Variants in NYAP2 observed in about 807,000 individuals in gnomAD.
NYAP2 encodes the protein neuronal tyrosine-phosphorylated phosphoinositide-3-kinase adaptor 2, also known as neuronal tyrosine-phosphorylated phosphoinositide-3-kinase adapter 2.
A neutral mutation model predicts 50.4 loss-of-function variants in NYAP2; 23 were observed. The ratio of observed to expected loss-of-function variants is 0.46; its 90% CI spans 0.33 to 0.65. The LOEUF is 0.65. Ranked by LOEUF, NYAP2 falls within the 30% of genes least tolerant of loss-of-function variation. The pLI, the probability that NYAP2 is intolerant of heterozygous loss-of-function variation, is 0.02. For synonymous variants in NYAP2, 394 were observed against 365.2 expected (o/e 1.08, Z -0.90); for missense variants, 885 against 861.0 (o/e 1.03, Z -0.35).
downstream of NYAP2, among the ~76,000 whole-genome samples, chr2:225,656,793 T>A (rs1693835517): frequency 6.6e-6 from 1 of 152,156 alleles, no homozygotes; most frequent in African/African-American, 2.4e-5. Context: ...TCAGAGGTCT[T>A]CCTCCAATGC....
chr2:225,688,909 A>G, the NYAP2 span, among the ~76,000 whole-genome samples: 14 of 151,902 alleles, frequency 9.2e-5, no homozygotes, highest in Non-Finnish European at 1.8e-4. Flanking sequence ...TGCCTGGCTA[A>G]TTTTTGTATT....
chr2:225,692,111 C>T, the NYAP2 span, among the ~76,000 whole-genome samples: 27 of 152,146 alleles, frequency 1.8e-4, no homozygotes, highest in Non-Finnish European at 3.1e-4. Flanking sequence ...TGCTTGGCAT[C>T]GTGCTCTGTC....
chr2:225,397,958 G>T (rs1365016813), upstream of NYAP2, among the ~76,000 whole-genome samples: 1 of 151,582 alleles, frequency 6.6e-6, no homozygotes, highest in Non-Finnish European at 1.5e-5. Flanking sequence ...GAAAGAAAAA[G>T]ATATATTTTC....
chr2:225,552,777 GC>G (rs1489222866), intron 4 of NYAP2, among the ~76,000 whole-genome samples: 2 of 152,104 alleles, frequency 1.3e-5, no homozygotes, highest in African/African-American at 4.8e-5. Flanking sequence ...AGCAACCTCT[GC>G]CTTGCAGATT....
intron 3 of NYAP2, among the ~76,000 whole-genome samples, chr2:225,429,724 C>T (rs1001413474): frequency 5.3e-5 from 8 of 152,130 alleles, no homozygotes; most frequent in Admixed American, 2.6e-4. Flanking sequence ...TAAGCCCATG[C>T]GTAAGTGCTG....
At chr2:225,512,038 T>C (rs192493610) in intron 3 of NYAP2, among the ~76,000 whole-genome samples, 9 of 152,290 alleles carry the variant, frequency 5.9e-5, no homozygotes, top group Admixed American at 4.6e-4. Flanking sequence ...ATGAACTTCA[T>C]AGATAAAAAG....
At position 225,625,947 on chromosome 2, in the gene NYAP2, G is replaced by A. The variant is rs964642522; in HGVS notation, c.1619-970G>A. Among the ~76,000 whole-genome samples the A allele has an allele frequency of 3.9e-5, 6 of 152,192 alleles. No individual in the cohort carries two copies. In the South Asian group the frequency reaches 8.3e-4, roughly 21 times the overall value. On this transcript the variant is annotated intron_variant, in intron 5 of 6. Coordinates refer to ENST00000636099, the Ensembl canonical transcript of NYAP2. Reference sequence around the variant, plus strand: ...GGATTAGAGCTGAACCAGAGCCATTGAGGTAGACATGAAACAAAGTGGAAG... The same window carrying A: ...GGATTAGAGCTGAACCAGAGCCATTAAGGTAGACATGAAACAAAGTGGAAG...
intron 5 of NYAP2, among the ~76,000 whole-genome samples, chr2:225,586,430 A>T (rs1286194014): frequency 6.6e-6 from 1 of 152,180 alleles, no homozygotes; most frequent in African/African-American, 2.4e-5. Context: ...GACACCTGAT[A>T]GTCTGTAGCT....
At chr2:225,503,565 A>G (rs996760659) in intron 3 of NYAP2, among the ~76,000 whole-genome samples, 1 of 152,186 alleles carries the variant, frequency 6.6e-6, no homozygotes, top group African/African-American at 2.4e-5. Flanking sequence ...GAAGAAAAGG[A>G]ACTTTGATAG....
intron 4 of NYAP2, 107 bp from the exon 5 acceptor site, chr2:225,581,834 G>C (rs1195735420): frequency 9.5e-7 from 1 of 1,055,600 alleles, no homozygotes; most frequent in Non-Finnish European, 1.4e-6. Flanking sequence ...GAATGAAGCT[G>C]TCTACCCCTC....
chr2:225,560,617 T>G (rs139489432), intron 4 of NYAP2, among the ~76,000 whole-genome samples: 242 of 152,188 alleles, frequency 1.6e-3, no homozygotes, highest in African/African-American at 5.6e-3. Context: ...TGCATTTATA[T>G]CCAGATGATT....
the NYAP2 span, chr2:225,699,346 T>C: frequency 6.6e-6 from 1 of 151,922 alleles, no homozygotes; most frequent in Non-Finnish European, 1.5e-5. Context: ...CCTTGCATCA[T>C]TGATCTGATT....
chr2:225,544,051 A>G (rs1456381416), intron 4 of NYAP2, among the ~76,000 whole-genome samples: 1 of 151,938 alleles, frequency 6.6e-6, no homozygotes, highest in Non-Finnish European at 1.5e-5. Flanking sequence ...CTTGAAATCT[A>G]TATTTTCTGA....
chr2:225,415,054 A>C (rs1464109893), intron 3 of NYAP2, among the ~76,000 whole-genome samples: 1 of 152,130 alleles, frequency 6.6e-6, no homozygotes, highest in East Asian at 1.9e-4. Flanking sequence ...TCTCGACTTT[A>C]GCAAAGTGGT....
At chr2:225,445,728 C>CT (rs1170562642) in intron 3 of NYAP2, among the ~76,000 whole-genome samples, 1 of 151,896 alleles carries the variant, frequency 6.6e-6, no homozygotes, top group Non-Finnish European at 1.5e-5. Flanking sequence ...CAATTTGGTG[C>CT]TGGGCTAAAT....
the NYAP2 span, among the ~76,000 whole-genome samples, chr2:225,693,812 G>C: frequency 6.6e-6 from 1 of 151,952 alleles, no homozygotes; most frequent in East Asian, 1.9e-4. Flanking sequence ...GGGCACAAAC[G>C]TTCAGACCAT....
At chr2:225,617,768 A>G (rs1693014096) in intron 5 of NYAP2, among the ~76,000 whole-genome samples, 2 of 152,334 alleles carry the variant, frequency 1.3e-5, no homozygotes, top group South Asian at 4.1e-4. Context: ...ATTGAGGGCT[A>G]TTGGTTTATG....
chr2:225,575,483 A>G (rs529605814), intron 4 of NYAP2, among the ~76,000 whole-genome samples: 1 of 152,242 alleles, frequency 6.6e-6, no homozygotes, highest in Non-Finnish European at 1.5e-5. Context: ...AATGTCTGCT[A>G]TCTCATCTAA....
chr2:225,662,396 C>T, the NYAP2 span, among the ~76,000 whole-genome samples: 15 of 152,212 alleles, frequency 9.9e-5, no homozygotes, highest in Non-Finnish European at 1.9e-4. Flanking sequence ...ATATCCTCGC[C>T]CACACATGCA....
Sources: gnomAD v4.1 joint callset for allele counts (sites outside exome capture counted in the v4.1 genomes callset) on GRCh38, gnomAD v4.1.1 for gene constraint, MANE v1.5 for transcripts, NCBI Gene and HGNC (gene_info 2026-07-23, HGNC 2026-07-21) for gene names.